MAST3: variants seen among roughly 807,000 people sequenced by gnomAD.
The protein encoded by MAST3 is microtubule-associated serine/threonine-protein kinase 3.
A neutral mutation model predicts 127.0 loss-of-function variants in MAST3; 43 were observed. The ratio of observed to expected loss-of-function variants is 0.34; its 90% CI spans 0.27 to 0.44. The LOEUF is 0.44. Among genes scored for constraint, MAST3 ranks in the 20% least tolerant of loss-of-function variants. The pLI is 1.00. For missense variants in MAST3, 1,390 were observed against 1,919.1 expected, an observed-to-expected ratio of 0.72 and a Z score of 5.15; for synonymous variants, 785 against 809.2, an observed-to-expected ratio of 0.97 and a Z score of 0.51.
In MAST3 at chr19:18,149,416, GGCACCCGCCC is replaced by G. The variant is rs1438244206; in HGVS notation, c.3740_3749del (p.Pro1247LeufsTer90). The G allele has an allele frequency of 6.8e-7, 1 of 1,466,726 alleles. No homozygotes were observed. Among genetic ancestry groups the G allele is most frequent in the Non-Finnish European group, 8.9e-7 (1 of 1,117,600 alleles). 90.9% of individuals were successfully genotyped at this position (1,466,726 alleles called of 1,614,324 possible). ...CCCCGCTCGCCCTCGCCCCTGCCCG[GGCACCCGCCC>G]GCACCTGCCCGATCCCCGCGGCTGC... is the stretch of plus-strand genomic sequence containing the variant. On this transcript the variant is annotated frameshift_variant, in exon 28 of 28. Coordinates refer to ENST00000687212, the MANE Select transcript of MAST3 (RefSeq NM_001393504.1). LOFTEE classifies it low-confidence loss of function (END_TRUNC). This position sits in a 1 kb window ranked among gnomAD's most constrained non-coding sequence, Gnocchi z 5.9.
At chr19:18,122,884 G>T in intron 6 of MAST3, 133 bp downstream of exon 6, 1 of 1,004,170 alleles carries the variant, frequency 1.0e-6, no homozygotes, top group Non-Finnish European at 1.5e-6. Flanking sequence ...CTCCATGCAC[G>T]CCCCATTCTG....
chr19:18,102,210 C>A (rs1249404538), intron 1 of MAST3, among the ~76,000 whole-genome samples: 1 of 148,642 alleles, frequency 6.7e-6, no homozygotes, highest in African/African-American at 2.5e-5. Flanking sequence ...TTCACTCTTT[C>A]GCTCTTCTTG....
intron 18 of MAST3, 121 bp from the exon 19 acceptor site, chr19:18,137,118 G>A (rs932002820): frequency 1.6e-5 from 20 of 1,274,214 alleles, no homozygotes; most frequent in Middle Eastern, 4.4e-4. Flanking sequence ...CACTGCGCCC[G>A]GCCCATTTTT....
chr19:18,123,865 C>T, intron 8 of MAST3, 74 bp from the exon 9 acceptor site: 39 of 1,395,306 alleles, frequency 2.8e-5, no homozygotes, highest in Non-Finnish European at 3.8e-5. Flanking sequence ...CCAACCATGC[C>T]TCTCCTGCCC....
Position 18,121,674 on chromosome 19 carries a change from T to A in MAST3, c.162-11T>A. ...GGCAGCCACCTACCCTGTCCCCTTT[T>A]CCCCCCACAGCTGCCGCAGCGGGAA... On this transcript the variant is annotated splice_polypyrimidine_tract_variant and intron_variant, in intron 3 of 27. Coordinates refer to ENST00000687212, the MANE Select transcript of MAST3 (RefSeq NM_001393504.1). 6.2e-7 allele frequency: 1 copy of A among 1,612,310 alleles called. No homozygotes were observed. Among genetic ancestry groups the A allele is most frequent in the Middle Eastern group, 1.8e-4 (1 of 5,708 alleles).
chr19:18,110,488 G>C lies in MAST3; in HGVS notation c.72-164G>C. Reference sequence around the variant, plus strand: ...ACCGCCGCCTCCGGGGAGCCCTCCCGGGCCATCGGTCTGGCCCCGCCCTCA... The same window carrying C: ...ACCGCCGCCTCCGGGGAGCCCTCCCCGGCCATCGGTCTGGCCCCGCCCTCA... On this transcript the variant is annotated intron_variant, in intron 2 of 27. Coordinates refer to ENST00000687212, the MANE Select transcript of MAST3 (RefSeq NM_001393504.1). This position sits in a 1 kb window ranked among gnomAD's most constrained non-coding sequence, Gnocchi z 4.3. 1 of 928,412 alleles carries C rather than the reference G, an allele frequency of 1.1e-6. No individual in the cohort carries two copies. Among genetic ancestry groups the C allele is most frequent in the Non-Finnish European group, 1.3e-6 (1 of 777,528 alleles). 57.5% of individuals were successfully genotyped at this position (928,412 alleles called of 1,614,324 possible). A position where few individuals can be genotyped will look rare whatever the true frequency, so the allele number is the denominator to read the frequency against.
intron 27 of MAST3, among the ~76,000 whole-genome samples, chr19:18,147,908 C>T (rs1220600563): frequency 6.6e-6 from 1 of 152,184 alleles, no homozygotes; most frequent in Non-Finnish European, 1.5e-5. Flanking sequence ...GTAATCCCAA[C>T]ACTTTGGGAG....
At position 18,145,248 on chromosome 19, in the gene MAST3, T is replaced by A. The variant is rs768273012; in HGVS notation, c.3039+19T>A. ...CGTCTGGGTGAGTGCCGAGTGGGAA[T>A]GGCAGGGACCCGGGTTCTAGTTTGA... On this transcript the variant is annotated intron_variant, in intron 24 of 27. Transcript: ENST00000687212. The surrounding 1 kb of genome is among the most constrained non-coding windows in gnomAD (Gnocchi z 5.9). The A allele has an allele frequency of 6.2e-7, 1 of 1,607,094 alleles. No homozygotes were observed. Among genetic ancestry groups the A allele is most frequent in the Non-Finnish European group, 8.5e-7 (1 of 1,173,922 alleles).
At chr19:18,142,101 C>A in intron 21 of MAST3, 86 bp downstream of exon 21, 1 of 1,295,612 alleles carries the variant, frequency 7.7e-7, no homozygotes, top group East Asian at 2.9e-5. Flanking sequence ...AAGGGAGCTT[C>A]CTAGTGGCCA....
chr19:18,119,010 G>C (rs1324205093), intron 3 of MAST3, among the ~76,000 whole-genome samples: 2 of 152,158 alleles, frequency 1.3e-5, no homozygotes, highest in African/African-American at 4.8e-5. Flanking sequence ...GGTGCAGGAG[G>C]CTGGCTTCAG....
chr19:18,098,608 A>C (rs1393171437), intron 1 of MAST3: 2 of 419,318 alleles, frequency 4.8e-6, no homozygotes, highest in East Asian at 1.4e-4. Context: ...CCGGGCAGCC[A>C]CCCTTTGACT....
At position 18,122,761 on chromosome 19, in the gene MAST3, G is replaced by GC. The variant is rs1166423800; in HGVS notation, c.399+14dup. 1.2e-6 allele frequency: 2 copies of GC among 1,611,804 alleles called. No individual in the cohort carries two copies. The highest frequency in any genetic ancestry group is 3.4e-5 in the Admixed American group (2 of 59,574). ...CAGCTCCACCCTCTCGGTACCCATA[G>GC]CCCCACCTTGGCAGGTGGACAGGCA... On this transcript the variant is annotated intron_variant, in intron 6 of 27. Coordinates refer to ENST00000687212, the MANE Select transcript of MAST3 (RefSeq NM_001393504.1).
chr19:18,127,020 TC>T (rs1359700570), intron 11 of MAST3, among the ~76,000 whole-genome samples: 4 of 150,200 alleles, frequency 2.7e-5, no homozygotes, highest in Admixed American at 6.6e-5. Context: ...GACCTCATGA[TC>T]CGCCCGCCTC....
chr19:18,135,744 G>C lies in MAST3; in HGVS notation c.1875G>C (p.Glu625Asp). 1 of 1,610,482 alleles carries C rather than the reference G, an allele frequency of 6.2e-7. No individual in the cohort carries two copies. The highest frequency in any genetic ancestry group is 8.5e-7 in the Non-Finnish European group (1 of 1,178,148). ...EELFGQVVSD[E>D]IMWPEGDEAL... ...TACCTCCCTCCCTCATTTTAGATGA[G>C]ATCATGTGGCCAGAGGGAGATGAGG... is the stretch of plus-strand genomic sequence containing the variant. The change falls in exon 18 of 28, where the codon GAG becomes GAC. Residue 625 changes from glutamate to aspartate, a missense_variant. Around this residue, in one of 5 missense-constraint regions of MAST3, gnomAD observed 191 missense variants for 409.0 expected, o/e 0.47. Coordinates refer to ENST00000687212, the MANE Select transcript of MAST3 (RefSeq NM_001393504.1).
At chr19:18,141,032 G>A (rs1476754453) in intron 20 of MAST3, among the ~76,000 whole-genome samples, 5 of 152,068 alleles carry the variant, frequency 3.3e-5, no homozygotes, top group Non-Finnish European at 4.4e-5. Flanking sequence ...GTCCTCAAGC[G>A]ATCCGCCTGC....
At chr19:18,106,012 C>G (rs2038042826) in intron 1 of MAST3, among the ~76,000 whole-genome samples, 1 of 152,114 alleles carries the variant, frequency 6.6e-6, no homozygotes, top group South Asian at 2.1e-4. Context: ...TCTGTTTTCT[C>G]AACAGATTAT....
In MAST3 at chr19:18,121,913, T is replaced by A; in HGVS notation, c.311T>A (p.Phe104Tyr). The A allele has an allele frequency of 6.2e-7, 1 of 1,613,994 alleles. No homozygotes were observed. Among genetic ancestry groups the A allele is most frequent in the Non-Finnish European group, 8.5e-7 (1 of 1,179,888 alleles). ...GCTGCCTCTGCCCTAAATTTCCCCT[T>A]TGCCCGGAGGTGAGTGATTGCCGGC... is the stretch of plus-strand genomic sequence containing the variant. ...FSAASALNFP[F>Y]ARRADGRRWS... Residue 104 changes from phenylalanine (F) to tyrosine (Y), a missense_variant, in exon 5 of 28, where the codon TTT becomes TAT. Around this residue, in one of 5 missense-constraint regions of MAST3, gnomAD observed 45 missense variants for 113.0 expected, o/e 0.40. Transcript: ENST00000687212.
intron 1 of MAST3, among the ~76,000 whole-genome samples, chr19:18,104,841 C>T (rs928506111): frequency 6.6e-6 from 1 of 152,140 alleles, no homozygotes; most frequent in Non-Finnish European, 1.5e-5. Flanking sequence ...TCCATGGTCC[C>T]TTGCTGAGCT....
Position 18,145,707 on chromosome 19 carries a change from C to G in MAST3, c.3040-36C>G, listed in dbSNP as rs200336165. ...GGCTGGGGTCCCCAGATGTGGGGCCCAGGCCATTGACCCCACCGTTCTCGT... is the reference window on the plus strand; with the variant it reads ...GGCTGGGGTCCCCAGATGTGGGGCCGAGGCCATTGACCCCACCGTTCTCGT... On this transcript the variant is annotated intron_variant, in intron 24 of 27. Transcript: ENST00000687212. This position sits in a 1 kb window ranked among gnomAD's most constrained non-coding sequence, Gnocchi z 5.9. The G allele has an allele frequency of 1.2e-5, 19 of 1,536,976 alleles. No individual in the cohort carries two copies. The African/African-American group carries it at 2.5e-4, about 20-fold the overall frequency.
Sources: gnomAD v4.1 joint callset for allele counts (sites outside exome capture counted in the v4.1 genomes callset) on GRCh38, gnomAD v4.1.1 for gene constraint, gnomAD v4.1.1 regional missense constraint, Gnocchi (gnomAD v3.1) non-coding constraint, MANE v1.5 for transcripts, NCBI Gene and HGNC (gene_info 2026-07-23, HGNC 2026-07-21) for gene names.